Variants in NAP1L4 observed in about 807,000 individuals in gnomAD.
The protein encoded by NAP1L4 is nucleosome assembly protein 1 like 4.
A neutral mutation model predicts 58.2 loss-of-function variants in NAP1L4; 15 were observed. That is an observed-to-expected ratio of 0.26 (90% CI 0.17 to 0.40). NAP1L4 has a LOEUF of 0.40. NAP1L4 is among the 10% of genes least tolerant of loss of function. NAP1L4 has a pLI of 1.00. For missense variants in NAP1L4, 384 were observed against 451.1 expected, an observed-to-expected ratio of 0.85 and a Z score of 1.35; for synonymous variants, 171 against 155.6, an observed-to-expected ratio of 1.10 and a Z score of -0.74.
chr11:2,947,864 G>A (rs1363987662), intron 15 of NAP1L4, among the ~76,000 whole-genome samples: 3 of 152,206 alleles, frequency 2.0e-5, no homozygotes, highest in South Asian at 2.1e-4. Context: ...AAACACACTC[G>A]ACCATAGCTG....
rs1330858317 is a variant in NAP1L4 at position 2,951,760 on chromosome 11, T to A, written c.1065+20A>T. ...ACAACTTCAGGGAGGTAAGTGGCAC[T>A]GCATAAACCTGTCTCTTACCTCCTC... is the stretch of plus-strand genomic sequence containing the variant. On this transcript the variant is annotated intron_variant, in intron 13 of 15. Transcript: ENST00000380542. The surrounding 1 kb of genome is among the most constrained non-coding windows in gnomAD (Gnocchi z 4.0). 1 of 1,613,116 alleles carries A rather than the reference T, an allele frequency of 6.2e-7. No individual in the cohort carries two copies. The highest frequency in any genetic ancestry group is 1.3e-5 in the African/African-American group (1 of 74,910).
At chr11:2,981,990 A>G (rs1178953781) in intron 1 of NAP1L4, among the ~76,000 whole-genome samples, 1 of 152,182 alleles carries the variant, frequency 6.6e-6, no homozygotes, top group Non-Finnish European at 1.5e-5. Flanking sequence ...CCCTTCTCAC[A>G]TATTCTAAAT....
chr11:2,980,660 ATG>A, intron 1 of NAP1L4, among the ~76,000 whole-genome samples: 1 of 152,224 alleles, frequency 6.6e-6, no homozygotes, highest in South Asian at 2.1e-4. Context: ...AAACTGGCCA[ATG>A]TTCATTCTTC....
intron 10 of NAP1L4, chr11:2,958,064 T>C (rs1846648210): frequency 2.1e-6 from 1 of 476,596 alleles, no homozygotes; most frequent in East Asian, 5.9e-5. Flanking sequence ...GTGCTCCAGG[T>C]GTCCAAGTGA....
At chr11:2,958,361 A>T (rs373971631) in intron 10 of NAP1L4, 38 bp downstream of exon 10, 1 of 1,607,562 alleles carries the variant, frequency 6.2e-7, no homozygotes, top group African/African-American at 1.3e-5. Context: ...ATTATTTTAT[A>T]TAAGAACATA....
At chr11:2,986,784 AT>A (rs71035459) in intron 1 of NAP1L4, among the ~76,000 whole-genome samples, 115,423 of 143,910 alleles carry the variant, frequency 0.8, 46,185 homozygotes, top group East Asian at 0.9. Flanking sequence ...TGCCCAGCTA[AT>A]TTTTTTTTTT....
intron 8 of NAP1L4, among the ~76,000 whole-genome samples, chr11:2,962,046 CAAGCAACTAAAG>C (rs1399610375): frequency 6.6e-6 from 1 of 152,210 alleles, no homozygotes; most frequent in Non-Finnish European, 1.5e-5. Context: ...CTCAATCTTA[CAAGCAACTAAAG>C]AAATGCAAAA....
intron 8 of NAP1L4, 118 bp from the exon 9 acceptor site, chr11:2,960,027 A>G: frequency 1.9e-6 from 2 of 1,059,892 alleles, no homozygotes; most frequent in Non-Finnish European, 2.7e-6. Flanking sequence ...AGATAGGGCC[A>G]TGAACAAGAA....
Position 2,971,396 on chromosome 11 carries a change from A to AT in NAP1L4, c.402+51dup. The AT allele has an allele frequency of 6.7e-7, 1 of 1,493,432 alleles. No individual in the cohort carries two copies. The highest frequency in any genetic ancestry group is 9.3e-7 in the Non-Finnish European group (1 of 1,080,290). 92.5% of individuals were successfully genotyped at this position (1,493,432 alleles called of 1,614,324 possible). A position where few individuals can be genotyped will look rare whatever the true frequency, so the allele number is the denominator to read the frequency against. ...CATTAAAAATCATTAAAAAATGCTT[A>AT]TTTTTAACAGTATTAAAACAGAACA... On this transcript the variant is annotated intron_variant, in intron 6 of 15. Coordinates refer to ENST00000380542, the MANE Select transcript of NAP1L4 (RefSeq NM_005969.4). The surrounding 1 kb of genome is among the most constrained non-coding windows in gnomAD (Gnocchi z 4.2).
In NAP1L4 at chr11:2,951,096, C is replaced by A; in HGVS notation, c.1122+163G>T. ...ACACTCAACACTCAAATTATAGACA[C>A]AGTGTCTGAATAATCATTCCACTAT... On this transcript the variant is annotated intron_variant, in intron 14 of 15. Transcript: ENST00000380542. The surrounding 1 kb of genome is among the most constrained non-coding windows in gnomAD (Gnocchi z 4.0). The A allele has an allele frequency of 3.0e-6, 2 of 671,076 alleles. No individual in the cohort carries two copies. Among genetic ancestry groups the A allele is most frequent in the South Asian group, 1.8e-5 (1 of 55,504 alleles). The allele number at this position is 671,076 out of a possible 1,614,324, so 41.6% of individuals were successfully genotyped here.
chr11:2,977,473 A>G (rs1055207205), intron 3 of NAP1L4, among the ~76,000 whole-genome samples: 1 of 152,204 alleles, frequency 6.6e-6, no homozygotes, highest in East Asian at 1.9e-4. Context: ...ATTCTATAAG[A>G]CAACAGTGGC....
intron 6 of NAP1L4, among the ~76,000 whole-genome samples, chr11:2,970,406 T>TG (rs913325425): frequency 4.6e-5 from 7 of 151,778 alleles, no homozygotes; most frequent in African/African-American, 1.7e-4. Flanking sequence ...TTAAAATTTG[T>TG]GGGGTGCTAA....
At chr11:2,965,558 A>AT (rs1177444840) in intron 7 of NAP1L4, among the ~76,000 whole-genome samples, 2 of 151,836 alleles carry the variant, frequency 1.3e-5, no homozygotes, top group African/African-American at 2.4e-5. Context: ...TCACTTCTTT[A>AT]TTTTTTTTGA....
chr11:2,978,262 T>G, intron 3 of NAP1L4, 22 bp downstream of exon 3: 1 of 1,610,290 alleles, frequency 6.2e-7, no homozygotes, highest in Non-Finnish European at 8.5e-7. Flanking sequence ...GGATGCAAAC[T>G]CTCCATGTGC....
At chr11:2,961,566 T>G (rs1359343355) in intron 8 of NAP1L4, among the ~76,000 whole-genome samples, 5 of 151,060 alleles carry the variant, frequency 3.3e-5, no homozygotes. Context: ...GAGACTGCTA[T>G]GATTCCAGAA....
Position 2,951,192 on chromosome 11 carries a change from G to T in NAP1L4, c.1122+67C>A. ...TGTTAACACTACTGCCTCAAAGTGG[G>T]GAACATTTTTAAAAGTCTAAGAGTG... On this transcript the variant is annotated intron_variant, in intron 14 of 15. Transcript: ENST00000380542. The surrounding 1 kb of genome is among the most constrained non-coding windows in gnomAD (Gnocchi z 4.0). The T allele has an allele frequency of 7.9e-7, 1 of 1,267,274 alleles. No homozygotes were observed. The highest frequency in any genetic ancestry group is 1.1e-6 in the Non-Finnish European group (1 of 875,972). 78.5% of individuals were successfully genotyped at this position (1,267,274 alleles called of 1,614,324 possible).
At chr11:2,963,448 C>A (rs147114337) in intron 8 of NAP1L4, among the ~76,000 whole-genome samples, 3 of 152,296 alleles carry the variant, frequency 2.0e-5, no homozygotes, top group Non-Finnish European at 4.4e-5. Flanking sequence ...TGGAGGGCAG[C>A]CCCCAGCTGG....
rs1397466562 is a variant in NAP1L4 at position 2,959,934 on chromosome 11, C to T, written c.607-25G>A. 2 of 1,611,580 alleles carry T rather than the reference C, an allele frequency of 1.2e-6. No homozygotes were observed. Among genetic ancestry groups the T allele is most frequent in the South Asian group, 2.2e-5 (2 of 90,810 alleles). On this transcript the variant is annotated intron_variant, in intron 8 of 15. Transcript: ENST00000380542. This position sits in a 1 kb window ranked among gnomAD's most constrained non-coding sequence, Gnocchi z 4.9. ...ACTAAAAGTAGAAATTCAGAGTAAGCACCAGTTAAAATAGAAAAATAACGA... is the reference window on the plus strand; with the variant it reads ...ACTAAAAGTAGAAATTCAGAGTAAGTACCAGTTAAAATAGAAAAATAACGA...
intron 1 of NAP1L4, among the ~76,000 whole-genome samples, chr11:2,986,435 A>G (rs1848628970): frequency 6.6e-6 from 1 of 151,952 alleles, no homozygotes; most frequent in Non-Finnish European, 1.5e-5. Context: ...AGACAAAGCT[A>G]GAGAGTGTAG....
Sources: gnomAD v4.1 joint callset for allele counts (sites outside exome capture counted in the v4.1 genomes callset) on GRCh38, gnomAD v4.1.1 for gene constraint, Gnocchi (gnomAD v3.1) non-coding constraint, MANE v1.5 for transcripts, NCBI Gene and HGNC (gene_info 2026-07-23, HGNC 2026-07-21) for gene names.